The following LARS2 variants were observed in gnomAD, a reference collection of about 807,000 sequenced individuals.
The protein encoded by LARS2 is leucyl-tRNA synthetase 2, mitochondrial.
A neutral mutation model predicts 116.6 loss-of-function variants in LARS2; 81 were observed. The observed-to-expected ratio is 0.69, with a 90% CI of 0.58 to 0.84. The LOEUF is 0.84. Among genes scored for constraint, LARS2 ranks in the 40% least tolerant of loss-of-function variants. The pLI is 0.00. For synonymous variants in LARS2, 396 were observed against 407.2 expected, an observed-to-expected ratio of 0.97 and a Z score of 0.33; for missense variants, 968 against 1,114.5, an observed-to-expected ratio of 0.87 and a Z score of 1.87.
chr3:45,545,497 C>G (rs79323074), intron 21 of LARS2, among the ~76,000 whole-genome samples: 1,695 of 152,344 alleles, frequency 0.011, 30 homozygotes, highest in African/African-American at 0.038. Flanking sequence ...CTCTGCCCAT[C>G]TCATTGGCGC....
intron 21 of LARS2, among the ~76,000 whole-genome samples, chr3:45,545,240 A>T (rs1000229886): frequency 6.6e-6 from 1 of 152,216 alleles, no homozygotes; most frequent in African/African-American, 2.4e-5. Context: ...TTGTACTGTT[A>T]TTAGCCATCG....
At chr3:45,528,894 G>T (rs552531143) in intron 20 of LARS2, among the ~76,000 whole-genome samples, 1 of 149,098 alleles carries the variant, frequency 6.7e-6, no homozygotes, top group African/African-American at 2.5e-5. Context: ...TTTGGAGATG[G>T]AGTCTCACTC....
At chr3:45,496,032 C>T (rs755676164) in intron 13 of LARS2, among the ~76,000 whole-genome samples, 9 of 151,898 alleles carry the variant, frequency 5.9e-5, no homozygotes, top group Admixed American at 2.0e-4. Flanking sequence ...GCTAATTGTT[C>T]GTATTTTTAG....
chr3:45,491,407 A>T, intron 12 of LARS2, 110 bp from the exon 13 acceptor site: 1 of 1,183,172 alleles, frequency 8.5e-7, no homozygotes, highest in Non-Finnish European at 1.2e-6. Context: ...TCTGCACAGA[A>T]CTGGTCCCTT....
rs569147917 is a variant in LARS2, at chr3:45,473,833, A to G, written c.751-410A>G. ...GCAAAGATAAAATTTATAATGTCCT[A>G]TGTATGATATTGTTTAGTTGTGGAA... On this transcript the variant is annotated intron_variant, in intron 8 of 21. Transcript: ENST00000645846. Among the ~76,000 whole-genome samples the G allele has an allele frequency of 5.9e-5, 9 of 152,064 alleles. No homozygotes were observed. The South Asian group carries it at 8.3e-4, about 14-fold the overall frequency.
chr3:45,443,867 C>G (rs1698959511), intron 6 of LARS2, among the ~76,000 whole-genome samples: 1 of 152,068 alleles, frequency 6.6e-6, no homozygotes. Context: ...AAAGCAGGGG[C>G]CTGTAATTCC....
chr3:45,466,929 C>A (rs1699434698), intron 8 of LARS2, among the ~76,000 whole-genome samples: 2 of 152,074 alleles, frequency 1.3e-5, no homozygotes, highest in African/African-American at 4.8e-5. Context: ...CATTGTTTAC[C>A]CCTGCTCTTG....
In LARS2 at chr3:45,515,978, T is replaced by C. The variant is rs1198212061; in HGVS notation, c.1862-116T>C. 3 of 725,668 alleles carry C rather than the reference T, an allele frequency of 4.1e-6. No individual in the cohort carries two copies. The Admixed American group carries it at 8.8e-5, about 21-fold the overall frequency. The allele number at this position is 725,668 out of a possible 1,614,324, so 45.0% of individuals were successfully genotyped here. A position where few individuals can be genotyped will look rare whatever the true frequency, so the allele number is the denominator to read the frequency against. On this transcript the variant is annotated intron_variant, in intron 16 of 21. Transcript: ENST00000645846. ...AAGCGGCTTGTTAAGTGAATTAGTG[T>C]GATTCTTCAAATGGACACTTTCCAT...
At chr3:45,484,672 TAAC>T (rs1194276417) in intron 10 of LARS2, among the ~76,000 whole-genome samples, 1 of 117,664 alleles carries the variant, frequency 8.5e-6, no homozygotes, top group Non-Finnish European at 1.7e-5. Flanking sequence ...TTATTTTAAA[TAAC>T]AATACAATGT....
At chr3:45,433,524 A>G (rs4683112) in intron 6 of LARS2, among the ~76,000 whole-genome samples, 8,526 of 152,086 alleles carry the variant, frequency 0.056, 313 homozygotes, top group East Asian at 0.1. Context: ...CCTTTGCATG[A>G]CTTTACTTAC....
intron 2 of LARS2, among the ~76,000 whole-genome samples, chr3:45,393,785 C>G (rs752620721): frequency 6.6e-6 from 1 of 152,106 alleles, no homozygotes; most frequent in Non-Finnish European, 1.5e-5. Flanking sequence ...GATTATGCCA[C>G]TGCACTCCAG....
chr3:45,417,177 CTCTT>C (rs1698439167), intron 4 of LARS2, among the ~76,000 whole-genome samples: 1 of 150,834 alleles, frequency 6.6e-6, no homozygotes, highest in Non-Finnish European at 1.5e-5. Context: ...CTGAAAGAAA[CTCTT>C]TATAATTTCA....
chr3:45,502,378 C>T (rs529542655), intron 15 of LARS2, among the ~76,000 whole-genome samples: 2 of 152,070 alleles, frequency 1.3e-5, no homozygotes, highest in Admixed American at 1.3e-4. Context: ...AACAGAAACT[C>T]TTAATGTAGT....
intron 11 of LARS2, among the ~76,000 whole-genome samples, chr3:45,486,202 G>C (rs1405551486): frequency 2.6e-5 from 4 of 152,158 alleles, no homozygotes; most frequent in Non-Finnish European, 5.9e-5. Context: ...AGCAACTGCT[G>C]GGACGGGGGT....
chr3:45,543,506 C>G (rs2125772440), intron 21 of LARS2, among the ~76,000 whole-genome samples: 1 of 149,938 alleles, frequency 6.7e-6, no homozygotes, highest in African/African-American at 2.5e-5. Flanking sequence ...CTCTCTCACT[C>G]TGTTGTCCAG....
intron 6 of LARS2, chr3:45,421,741 T>A (rs535711442): frequency 6.6e-6 from 1 of 152,364 alleles, no homozygotes; most frequent in African/African-American, 2.4e-5. Context: ...AATAAGACTG[T>A]CCTAAATTGA....
At chr3:45,468,063 C>T in intron 8 of LARS2, among the ~76,000 whole-genome samples, 1 of 151,826 alleles carries the variant, frequency 6.6e-6, no homozygotes, top group African/African-American at 2.4e-5. Context: ...CACCCCACTG[C>T]ACTTCAGCCT....
intron 20 of LARS2, among the ~76,000 whole-genome samples, chr3:45,540,857 C>T (rs1458204178): frequency 1.3e-5 from 2 of 152,100 alleles, no homozygotes; most frequent in African/African-American, 2.4e-5. Context: ...GGAATCATAG[C>T]TCACTACAGC....
chr3:45,491,939 G>T, intron 13 of LARS2, 139 bp downstream of exon 13: 1 of 802,580 alleles, frequency 1.2e-6, no homozygotes, highest in South Asian at 1.8e-5. Context: ...AACACTGTGG[G>T]TCTTTGGGGC....
Sources: allele counts gnomAD v4.1 joint callset (sites outside exome capture counted in the v4.1 genomes callset), GRCh38; gene constraint gnomAD v4.1.1; transcripts MANE v1.5; gene names NCBI Gene and HGNC (gene_info 2026-07-23, HGNC 2026-07-21).